The following MDFIC2 variants were observed in gnomAD, a reference collection of about 807,000 sequenced individuals.
MDFIC2 encodes the protein myoD family inhibitor domain-containing protein 2.
intron 2 of MDFIC2, among the ~76,000 whole-genome samples, chr3:70,219,943 C>T (rs539850702): frequency 6.6e-6 from 1 of 152,160 alleles, no homozygotes; most frequent in Non-Finnish European, 1.5e-5. Flanking sequence ...ATTTCCTGAG[C>T]AGAAACAATT....
At chr3:70,199,701 T>C (rs979596617) in intron 3 of MDFIC2, among the ~76,000 whole-genome samples, 4 of 152,222 alleles carry the variant, frequency 2.6e-5, no homozygotes, top group African/African-American at 9.6e-5. Context: ...TTTGCAACTG[T>C]TTGAAAAGAG....
intron 2 of MDFIC2, among the ~76,000 whole-genome samples, chr3:70,286,870 G>C (rs1055423503): frequency 1.3e-5 from 2 of 152,010 alleles, no homozygotes; most frequent in African/African-American, 2.4e-5. Flanking sequence ...TCTGTTGTTG[G>C]TGTATAAGAA....
At chr3:70,310,960 A>T (rs1419784417) in intron 2 of MDFIC2, among the ~76,000 whole-genome samples, 3 of 152,120 alleles carry the variant, frequency 2.0e-5, no homozygotes, top group Non-Finnish European at 4.4e-5. Flanking sequence ...CAATTTTCTT[A>T]TTGGTAAATT....
chr3:70,261,825 T>G (rs116174083), intron 2 of MDFIC2, among the ~76,000 whole-genome samples: 70 of 152,286 alleles, frequency 4.6e-4, no homozygotes, highest in African/African-American at 1.7e-3. Flanking sequence ...AAGACTAGGA[T>G]GTGACTGGAA....
chr3:70,307,558 TG>T (rs965859731), intron 2 of MDFIC2, among the ~76,000 whole-genome samples: 1 of 152,158 alleles, frequency 6.6e-6, no homozygotes, highest in African/African-American at 2.4e-5. Context: ...TTTTCACATT[TG>T]GGCCTATTTT....
intron 2 of MDFIC2, among the ~76,000 whole-genome samples, chr3:70,285,037 C>T (rs1281414951): frequency 6.7e-6 from 1 of 148,776 alleles, no homozygotes; most frequent in Non-Finnish European, 1.5e-5. Context: ...TTATTTTTTA[C>T]TTATTTTTTT....
At chr3:70,260,378 A>G (rs1170417321) in intron 2 of MDFIC2, among the ~76,000 whole-genome samples, 1 of 152,150 alleles carries the variant, frequency 6.6e-6, no homozygotes, top group Non-Finnish European at 1.5e-5. Context: ...ATCTTAAGTT[A>G]GCTAATTACA....
chr3:70,245,506 A>C (rs919061679), intron 2 of MDFIC2, among the ~76,000 whole-genome samples: 6 of 151,502 alleles, frequency 4.0e-5, no homozygotes, highest in African/African-American at 1.5e-4. Context: ...TAATAACTTA[A>C]ATAGAAAGCA....
intron 2 of MDFIC2, among the ~76,000 whole-genome samples, chr3:70,307,772 G>A (rs550882500): frequency 6.6e-6 from 1 of 152,042 alleles, no homozygotes; most frequent in Admixed American, 6.6e-5. Flanking sequence ...TTGTCCTCAG[G>A]CCTCCAGTGA....
chr3:70,288,198 T>G (rs981178819), intron 2 of MDFIC2, among the ~76,000 whole-genome samples: 20 of 140,530 alleles, frequency 1.4e-4, no homozygotes, highest in Non-Finnish European at 2.6e-4. Flanking sequence ...GGGCATTTAG[T>G]GCTATAAATT....
At chr3:70,227,871 A>G (rs572076946) in intron 2 of MDFIC2, among the ~76,000 whole-genome samples, 120 of 152,304 alleles carry the variant, frequency 7.9e-4, no homozygotes, top group Non-Finnish European at 5.6e-4. Flanking sequence ...ATTTGAATAC[A>G]GGAAGTCTGG....
At chr3:70,214,566 A>G (rs925175773) in intron 2 of MDFIC2, among the ~76,000 whole-genome samples, 5 of 151,222 alleles carry the variant, frequency 3.3e-5, no homozygotes, top group African/African-American at 1.2e-4. Context: ...AGCTTCCCCA[A>G]CACCTGCAAA....
intron 2 of MDFIC2, among the ~76,000 whole-genome samples, chr3:70,298,397 G>T (rs1188836236): frequency 6.6e-6 from 1 of 152,052 alleles, no homozygotes; most frequent in Non-Finnish European, 1.5e-5. Flanking sequence ...TCAACGGGAA[G>T]ATATTAAAAT....
intron 2 of MDFIC2, among the ~76,000 whole-genome samples, chr3:70,295,352 G>T (rs1293748681): frequency 6.6e-6 from 1 of 152,090 alleles, no homozygotes; most frequent in Non-Finnish European, 1.5e-5. Context: ...TTCAAATATA[G>T]GTATGTGTGA....
intron 2 of MDFIC2, chr3:70,249,477 A>G (rs1701739373): frequency 1.3e-5 from 2 of 152,112 alleles, no homozygotes; most frequent in Non-Finnish European, 2.9e-5. Context: ...GCAGGATACA[A>G]TTTCAATTTT....
chr3:70,224,708 T>G (rs141069872), intron 2 of MDFIC2, among the ~76,000 whole-genome samples: 7 of 151,856 alleles, frequency 4.6e-5, no homozygotes, highest in African/African-American at 1.7e-4. Flanking sequence ...AGGAGAAAAT[T>G]CACCCTTGGT....
intron 2 of MDFIC2, among the ~76,000 whole-genome samples, chr3:70,279,697 C>T (rs932104236): frequency 2.0e-5 from 3 of 152,168 alleles, no homozygotes; most frequent in African/African-American, 7.2e-5. Context: ...TGCAAACACA[C>T]ACCCTGGGGT....
intron 2 of MDFIC2, among the ~76,000 whole-genome samples, chr3:70,240,060 A>T (rs1379635030): frequency 6.6e-6 from 1 of 152,142 alleles, no homozygotes; most frequent in East Asian, 1.9e-4. Context: ...TCAATGCTCA[A>T]TACATCAGTA....
intron 2 of MDFIC2, among the ~76,000 whole-genome samples, chr3:70,256,309 G>A (rs1177551462): frequency 2.0e-5 from 3 of 152,124 alleles, no homozygotes; most frequent in South Asian, 2.1e-4. Flanking sequence ...AAATGTACTC[G>A]TTATGTGAAA....
Sources: gnomAD v4.1 joint callset for allele counts (sites outside exome capture counted in the v4.1 genomes callset) on GRCh38, gnomAD v4.1.1 for gene constraint, MANE v1.5 for transcripts, NCBI Gene and HGNC (gene_info 2026-07-23, HGNC 2026-07-21) for gene names.